The following OPCML variants were observed in gnomAD, a reference collection of about 807,000 sequenced individuals.
OPCML encodes opioid binding protein/cell adhesion molecule like.
Under a neutral mutation model 37.8 loss-of-function variants are expected in OPCML, and 13 were observed. The ratio of observed to expected loss-of-function variants is 0.34; its 90% confidence interval spans 0.22 to 0.55. The LOEUF is 0.55. OPCML is among the 20% of genes least tolerant of loss of function. OPCML has a pLI of 0.91. For synonymous variants in OPCML, 176 were observed against 168.8 expected, an observed-to-expected ratio of 1.04 and a Z score of -0.33; for missense variants, 341 against 435.6, an observed-to-expected ratio of 0.78 and a Z score of 1.93.
rs112265844 is a variant in OPCML at position 133,044,919 on chromosome 11, A to G, written c.62-101909T>C. ...TCTCTCATTTCCAAATGAGGACACT[A>G]AAGACCAGCCCTGAATCTCAGAAGA... On this transcript the variant is annotated intron_variant, in intron 1 of 7. Coordinates refer to ENST00000524381, the MANE Select transcript of OPCML (RefSeq NM_001012393.5). 6.9e-3 allele frequency among the ~76,000 whole-genome samples: 1,047 copies of G among 152,272 alleles called. 11 individuals carry two copies. Among genetic ancestry groups the G allele is most frequent in the African/African-American group, 0.021 (864 of 41,544 alleles).
chr11:132,532,224 TG>T, intron 3 of OPCML, among the ~76,000 whole-genome samples: 1 of 152,276 alleles, frequency 6.6e-6, no homozygotes, highest in Middle Eastern at 3.4e-3. Context: ...CTAACCAAGA[TG>T]TTCCCTCTAA....
chr11:133,195,535 C>T (rs991672551), intron 1 of OPCML, among the ~76,000 whole-genome samples: 4 of 152,154 alleles, frequency 2.6e-5, no homozygotes, highest in African/African-American at 9.7e-5. Context: ...AATCAAGTGC[C>T]ATGGACAAAA....
At chr11:132,447,865 T>C (rs934544846) in intron 4 of OPCML, among the ~76,000 whole-genome samples, 1 of 152,216 alleles carries the variant, frequency 6.6e-6, no homozygotes, top group Middle Eastern at 3.2e-3. Context: ...TCAAGAAAGA[T>C]TCTGTGTGCT....
intron 2 of OPCML, among the ~76,000 whole-genome samples, chr11:132,925,646 ACT>A (rs1944963712): frequency 6.6e-6 from 1 of 151,938 alleles, no homozygotes; most frequent in African/African-American, 2.4e-5. Context: ...ATCCTAGAAG[ACT>A]CTGACTCCAG....
At chr11:133,425,778 G>C (rs540437148) in intron 1 of OPCML, among the ~76,000 whole-genome samples, 1 of 152,206 alleles carries the variant, frequency 6.6e-6, no homozygotes, top group East Asian at 1.9e-4. Context: ...TAACAAAATA[G>C]AGAATAGTAA....
intron 2 of OPCML, among the ~76,000 whole-genome samples, chr11:132,865,873 G>C (rs1942525851): frequency 6.6e-6 from 1 of 152,188 alleles, no homozygotes; most frequent in Admixed American, 6.5e-5. Flanking sequence ...ACTTTATCCA[G>C]TTGAGCAGTA....
chr11:133,424,379 T>G (rs1489108936), intron 1 of OPCML, among the ~76,000 whole-genome samples: 1 of 152,226 alleles, frequency 6.6e-6, no homozygotes, highest in Non-Finnish European at 1.5e-5. Context: ...TTATTTTAAA[T>G]GTTTGTAGAA....
intron 3 of OPCML, among the ~76,000 whole-genome samples, chr11:132,651,742 C>G (rs1389574085): frequency 1.3e-5 from 2 of 152,170 alleles, no homozygotes; most frequent in African/African-American, 4.8e-5. Flanking sequence ...ACCAATTTCA[C>G]CTGAACTGAC....
At chr11:132,763,830 C>T (rs1358430470) in intron 2 of OPCML, among the ~76,000 whole-genome samples, 1 of 152,184 alleles carries the variant, frequency 6.6e-6, no homozygotes, top group East Asian at 1.9e-4. Flanking sequence ...CTCACTGGCT[C>T]CTGCTGAGCC....
intron 3 of OPCML, among the ~76,000 whole-genome samples, chr11:132,643,525 G>A (rs996290452): frequency 1.1e-4 from 17 of 152,170 alleles, no homozygotes; most frequent in African/African-American, 4.1e-4. Flanking sequence ...CCACGGGCGA[G>A]GCTCCTCTGT....
intron 1 of OPCML, among the ~76,000 whole-genome samples, chr11:133,310,590 G>A (rs114396620): frequency 8.1e-4 from 124 of 152,178 alleles, no homozygotes; most frequent in African/African-American, 2.7e-3. Flanking sequence ...TTTGGGCCCT[G>A]TACTTTCCCA....
intron 1 of OPCML, among the ~76,000 whole-genome samples, chr11:133,408,405 G>T (rs56089007): frequency 0.091 from 13,792 of 152,256 alleles, 1,826 homozygotes; most frequent in African/African-American, 0.29. Context: ...CTATTAGAAA[G>T]ATGGCGGGCT....
intron 2 of OPCML, among the ~76,000 whole-genome samples, chr11:132,778,110 G>A (rs1390104001): frequency 6.6e-6 from 1 of 152,232 alleles, no homozygotes; most frequent in East Asian, 1.9e-4. Context: ...CTGAAATGCA[G>A]ATGTGATTAG....
chr11:133,230,439 C>T (rs1013082608), intron 1 of OPCML, among the ~76,000 whole-genome samples: 1 of 152,214 alleles, frequency 6.6e-6, no homozygotes, highest in Non-Finnish European at 1.5e-5. Context: ...CCTCCCCTTT[C>T]TCAACTTTCC....
At chr11:133,217,377 G>A (rs1397128818) in intron 1 of OPCML, among the ~76,000 whole-genome samples, 1 of 152,186 alleles carries the variant, frequency 6.6e-6, no homozygotes, top group Non-Finnish European at 1.5e-5. Flanking sequence ...GACTCTCAAG[G>A]CCTGAAGGTT....
chr11:133,229,421 A>G (rs1234268399), intron 1 of OPCML, among the ~76,000 whole-genome samples: 1 of 152,190 alleles, frequency 6.6e-6, no homozygotes, highest in Non-Finnish European at 1.5e-5. Context: ...GTCAGTTTGA[A>G]TATGTCAAAG....
chr11:133,386,517 T>C (rs959895578), intron 1 of OPCML, among the ~76,000 whole-genome samples: 2 of 152,108 alleles, frequency 1.3e-5, no homozygotes, highest in African/African-American at 4.8e-5. Context: ...CCTCCTACTC[T>C]CTTATCTTAG....
At chr11:132,856,349 C>G (rs1942054113) in intron 2 of OPCML, among the ~76,000 whole-genome samples, 1 of 152,138 alleles carries the variant, frequency 6.6e-6, no homozygotes, top group Non-Finnish European at 1.5e-5. Context: ...AGTTGAGAAA[C>G]AGTCACACTG....
chr11:132,953,797 A>G (rs1945915759), intron 1 of OPCML, among the ~76,000 whole-genome samples: 5 of 152,102 alleles, frequency 3.3e-5, no homozygotes, highest in Admixed American at 3.3e-4. Context: ...CCAGCAATGG[A>G]CCAAGCTTCT....
Sources: gnomAD v4.1 joint callset for allele counts (sites outside exome capture counted in the v4.1 genomes callset) on GRCh38, gnomAD v4.1.1 for gene constraint, MANE v1.5 for transcripts, NCBI Gene and HGNC (gene_info 2026-07-23, HGNC 2026-07-21) for gene names.